Variants in ECPAS observed in about 807,000 individuals in gnomAD.
ECPAS encodes Ecm29 proteasome adaptor and scaffold, also known as proteasome adapter and scaffold protein ECM29.
In ECPAS, 70 loss-of-function variants were observed where a neutral mutation model predicts 255.1. The ratio of observed to expected loss-of-function variants is 0.27; its 90% confidence interval spans 0.23 to 0.33. ECPAS has a LOEUF of 0.33. ECPAS is among the 10% of genes least tolerant of loss of function. The pLI is 1.00. For missense variants in ECPAS, 1,817 were observed against 2,206.4 expected (o/e 0.82, Z 3.54); for synonymous variants, 784 against 775.0 (o/e 1.01, Z -0.19).
chr9:111,456,729 C>T (rs2098267410), intron 2 of ECPAS, among the ~76,000 whole-genome samples: 2 of 152,304 alleles, frequency 1.3e-5, no homozygotes, highest in African/African-American at 4.8e-5. Flanking sequence ...AGGCCCAGCA[C>T]CCTCCCAGTT....
At chr9:111,452,020 T>C (rs1202426987) in intron 2 of ECPAS, among the ~76,000 whole-genome samples, 3 of 152,114 alleles carry the variant, frequency 2.0e-5, no homozygotes, top group Non-Finnish European at 4.4e-5. Context: ...GTTAGAAAAA[T>C]AGCCAAGTTT....
At chr9:111,479,103 C>T (rs752585188) in intron 1 of ECPAS, among the ~76,000 whole-genome samples, 41 of 151,978 alleles carry the variant, frequency 2.7e-4, no homozygotes, top group South Asian at 6.2e-4. Context: ...ACCTAAGAAG[C>T]CTGTTTCTCT....
At chr9:111,424,284 G>A (rs1036464605) in intron 12 of ECPAS, among the ~76,000 whole-genome samples, 1 of 152,148 alleles carries the variant, frequency 6.6e-6, no homozygotes, top group South Asian at 2.1e-4. Flanking sequence ...AACAATTTAG[G>A]TAGATTAACT....
At chr9:111,398,579 G>A (rs1456639368) in intron 24 of ECPAS, among the ~76,000 whole-genome samples, 4 of 152,026 alleles carry the variant, frequency 2.6e-5, no homozygotes, top group Non-Finnish European at 2.9e-5. Flanking sequence ...GGGAGCAGGC[G>A]GCAGGGCAAA....
chr9:111,484,334 TG>T lies in ECPAS; in HGVS notation c.-302del. On this transcript the variant is annotated 5_prime_UTR_variant, in exon 1 of 50. Coordinates refer to ENST00000684092, the MANE Select transcript of ECPAS (RefSeq NM_001364929.1). ...CGAGGTCTGCGGCTGTCACGTTGGC[TG>T]GGCCCGACCTGGGGAAACACGCCTG... is the stretch of plus-strand genomic sequence containing the variant. The T allele has an allele frequency of 6.2e-7, 1 of 1,604,740 alleles. No individual in the cohort carries two copies. Among genetic ancestry groups the T allele is most frequent in the South Asian group, 1.1e-5 (1 of 89,872 alleles).
At chr9:111,455,952 A>G (rs1377185143) in intron 2 of ECPAS, among the ~76,000 whole-genome samples, 1 of 152,152 alleles carries the variant, frequency 6.6e-6, no homozygotes, top group Non-Finnish European at 1.5e-5. Context: ...GAGTCCTACT[A>G]GACAATCACT....
intron 17 of ECPAS, 146 bp from the exon 18 acceptor site, chr9:111,416,498 C>T (rs1175217815): frequency 1.7e-5 from 11 of 638,436 alleles, no homozygotes; most frequent in Admixed American, 1.3e-4. Context: ...TTCCTATTAA[C>T]CATGCTGATC....
At chr9:111,390,686 C>T (rs574103378) in intron 29 of ECPAS, among the ~76,000 whole-genome samples, 123 of 152,314 alleles carry the variant, frequency 8.1e-4, no homozygotes, top group Non-Finnish European at 1.3e-3. Flanking sequence ...GAACAAACTG[C>T]AGCTTTCTCC....
At chr9:111,383,675 C>A (rs993513986) in intron 34 of ECPAS, among the ~76,000 whole-genome samples, 1 of 152,164 alleles carries the variant, frequency 6.6e-6, no homozygotes, top group African/African-American at 2.4e-5. Flanking sequence ...AAAGCCAGCA[C>A]TTTGGGAGGC....
chr9:111,377,583 G>A (rs1589120518), intron 36 of ECPAS, among the ~76,000 whole-genome samples: 1 of 152,134 alleles, frequency 6.6e-6, no homozygotes, highest in African/African-American at 2.4e-5. Context: ...AAAAGAATAA[G>A]TGTATATATA....
chr9:111,483,723 C>A, intron 1 of ECPAS: 1 of 160,920 alleles, frequency 6.2e-6, no homozygotes, highest in South Asian at 1.7e-4. Flanking sequence ...CGTCGCCCTT[C>A]GCTGCCCCCG....
chr9:111,401,430 T>C (rs2098175920), intron 24 of ECPAS, among the ~76,000 whole-genome samples: 1 of 152,176 alleles, frequency 6.6e-6, no homozygotes, highest in Non-Finnish European at 1.5e-5. Context: ...AAAGATCACA[T>C]GCTTCAAAGG....
At chr9:111,374,496 C>T (rs751388304) in intron 38 of ECPAS, among the ~76,000 whole-genome samples, 5 of 152,108 alleles carry the variant, frequency 3.3e-5, no homozygotes, top group Non-Finnish European at 5.9e-5. Flanking sequence ...TAGAAGAGGA[C>T]ACTGCAGAAG....
At chr9:111,371,434 G>A (rs1022624796) in intron 43 of ECPAS, among the ~76,000 whole-genome samples, 187 bp downstream of exon 43, 16 of 152,160 alleles carry the variant, frequency 1.1e-4, no homozygotes, top group African/African-American at 3.1e-4. Context: ...AAGGCCACAC[G>A]GGTTGCAGTT....
chr9:111,421,409 A>ATGTG (rs71372622), intron 15 of ECPAS, among the ~76,000 whole-genome samples: 6,641 of 143,344 alleles, frequency 0.046, 222 homozygotes, highest in African/African-American at 0.094. Flanking sequence ...TATTACATAT[A>ATGTG]TGTGTGTGTG....
rs1290549936 is a variant in ECPAS at position 111,484,238 on chromosome 9, T to TGGGCCGAGCGGGCCC, written c.-220_-206dup. ...CCGCGCGCCGCAGTCCGTGAGGGGCTGGGCCGAGCGGGCCCGGGCTGCCCT... is the reference window on the plus strand; with the variant it reads ...CCGCGCGCCGCAGTCCGTGAGGGGCTGGGCCGAGCGGGCCCGGGCCGAGCGGGCCCGGGCTGCCCT... On this transcript the variant is annotated 5_prime_UTR_variant, in exon 1 of 50. Transcript: ENST00000684092. 2 of 1,476,344 alleles carry TGGGCCGAGCGGGCCC rather than the reference T, an allele frequency of 1.4e-6. No individual in the cohort carries two copies. Among genetic ancestry groups the TGGGCCGAGCGGGCCC allele is most frequent in the Admixed American group, 2.7e-5 (1 of 37,334 alleles). The allele number at this position is 1,476,344 out of a possible 1,614,324, so 91.5% of individuals were successfully genotyped here.
chr9:111,363,322 A>G (rs995914123), intron 49 of ECPAS, among the ~76,000 whole-genome samples: 4 of 152,318 alleles, frequency 2.6e-5, no homozygotes, highest in African/African-American at 9.6e-5. Context: ...AGATTAAATC[A>G]GGATTCACGA....
intron 1 of ECPAS, among the ~76,000 whole-genome samples, chr9:111,475,103 G>A (rs879753473): frequency 6.6e-6 from 1 of 152,004 alleles, no homozygotes; most frequent in Admixed American, 6.6e-5. Context: ...TTTACTTACC[G>A]TGCTTTGTGT....
chr9:111,436,852 A>T, intron 7 of ECPAS, 88 bp downstream of exon 7: 1 of 1,137,232 alleles, frequency 8.8e-7, no homozygotes, highest in Non-Finnish European at 1.2e-6. Context: ...GCCTGAATAT[A>T]CTAGAATTAT....
Sources: gnomAD v4.1 joint callset for allele counts (sites outside exome capture counted in the v4.1 genomes callset) on GRCh38, gnomAD v4.1.1 for gene constraint, MANE v1.5 for transcripts, NCBI Gene and HGNC (gene_info 2026-07-23, HGNC 2026-07-21) for gene names.